Variants in GRIA4 observed in about 807,000 individuals in gnomAD.
GRIA4 encodes glutamate receptor 4.
In GRIA4, 34 loss-of-function variants were observed where a neutral mutation model predicts 104.0. That is an observed-to-expected ratio of 0.33 (90% CI 0.25 to 0.44). The LOEUF is 0.44. Ranked by LOEUF, GRIA4 falls within the 20% of genes least tolerant of loss-of-function variation. The pLI is 1.00. For synonymous variants in GRIA4, 386 were observed against 381.9 expected (o/e 1.01, Z -0.13); for missense variants, 750 against 1,096.5 (o/e 0.68, Z 4.46).
At chr11:105,936,757 A>C (rs949820285) in intron 14 of GRIA4, among the ~76,000 whole-genome samples, 2 of 152,198 alleles carry the variant, frequency 1.3e-5, no homozygotes, top group Non-Finnish European at 2.9e-5. Context: ...AAATGCAATA[A>C]GGATCATCTC....
chr11:105,933,693 G>A (rs745814974), intron 13 of GRIA4, 29 bp from the exon 14 acceptor site: 1 of 1,485,024 alleles, frequency 6.7e-7, no homozygotes, highest in Non-Finnish European at 9.1e-7. Flanking sequence ...CTTCTTTCCT[G>A]TATTTAATTT....
intron 14 of GRIA4, among the ~76,000 whole-genome samples, chr11:105,957,308 C>A (rs1332745680): frequency 6.6e-6 from 1 of 152,162 alleles, no homozygotes; most frequent in African/African-American, 2.4e-5. Context: ...GGAAGGGATC[C>A]AGTTTCAGCT....
chr11:105,904,769 T>G (rs1391740732), intron 8 of GRIA4, among the ~76,000 whole-genome samples: 1 of 152,146 alleles, frequency 6.6e-6, no homozygotes, highest in Non-Finnish European at 1.5e-5. Flanking sequence ...TCCTTATACT[T>G]TTTGCTTCTT....
chr11:105,688,275 G>A (rs1026282976), intron 3 of GRIA4, among the ~76,000 whole-genome samples: 4 of 151,934 alleles, frequency 2.6e-5, no homozygotes, highest in Admixed American at 1.3e-4. Context: ...AAATAAAGTG[G>A]TGGCTGGGCA....
At chr11:105,886,216 C>T (rs1047431756) in intron 5 of GRIA4, among the ~76,000 whole-genome samples, 1 of 151,806 alleles carries the variant, frequency 6.6e-6, no homozygotes, top group Non-Finnish European at 1.5e-5. Flanking sequence ...GTTGTGGGTA[C>T]ATAGTAGTAT....
intron 10 of GRIA4, among the ~76,000 whole-genome samples, chr11:105,915,200 C>T (rs903704486): frequency 6.6e-6 from 1 of 152,170 alleles, no homozygotes; most frequent in Admixed American, 6.5e-5. Context: ...TCCCTGGGTG[C>T]GATCATGTCA....
intron 14 of GRIA4, among the ~76,000 whole-genome samples, chr11:105,935,765 G>A (rs1177350275): frequency 2.6e-5 from 4 of 152,068 alleles, no homozygotes; most frequent in Non-Finnish European, 4.4e-5. Flanking sequence ...CTTCAGTGAC[G>A]GGTTTGCCTG....
chr11:105,701,650 A>C (rs113586409), intron 3 of GRIA4, among the ~76,000 whole-genome samples: 5 of 152,170 alleles, frequency 3.3e-5, no homozygotes, highest in Admixed American at 1.3e-4. Context: ...TAACCTCCTT[A>C]AATGCAATTA....
At chr11:105,928,527 G>A (rs899889887) in intron 13 of GRIA4, among the ~76,000 whole-genome samples, 9 of 150,842 alleles carry the variant, frequency 6.0e-5, no homozygotes, top group Non-Finnish European at 1.0e-4. Flanking sequence ...CCGTGCTGCC[G>A]GTTTATAACT....
At chr11:105,901,676 G>T (rs548608647) in intron 7 of GRIA4, among the ~76,000 whole-genome samples, 1 of 152,226 alleles carries the variant, frequency 6.6e-6, no homozygotes, top group South Asian at 2.1e-4. Flanking sequence ...TTGCCACTCT[G>T]GCTGAATGTC....
intron 9 of GRIA4, among the ~76,000 whole-genome samples, chr11:105,907,820 G>A (rs150817725): frequency 3.3e-5 from 5 of 152,042 alleles, no homozygotes; most frequent in East Asian, 3.9e-4. Flanking sequence ...TCCTTTTATC[G>A]AAAAGTAAGG....
intron 3 of GRIA4, among the ~76,000 whole-genome samples, chr11:105,743,917 C>G (rs982467152): frequency 2.6e-5 from 4 of 152,130 alleles, no homozygotes; most frequent in South Asian, 2.1e-4. Flanking sequence ...CAAATCTGAC[C>G]TCTACATTGT....
At chr11:105,763,718 A>G (rs183235180) in intron 4 of GRIA4, among the ~76,000 whole-genome samples, 1 of 152,330 alleles carries the variant, frequency 6.6e-6, no homozygotes, top group East Asian at 1.9e-4. Context: ...TTAAACTCCT[A>G]TCTGTACAGC....
chr11:105,913,093 AATTG>A, intron 10 of GRIA4: 1 of 782,336 alleles, frequency 1.3e-6, no homozygotes, highest in Non-Finnish European at 1.6e-6. Flanking sequence ...TGCTAAATAA[AATTG>A]ATTGAGAAAT....
intron 4 of GRIA4, among the ~76,000 whole-genome samples, chr11:105,826,507 T>C (rs984739531): frequency 1.3e-5 from 2 of 152,054 alleles, no homozygotes; most frequent in Non-Finnish European, 2.9e-5. Flanking sequence ...AGATATTTTA[T>C]TGTCTTCTCT....
intron 14 of GRIA4, among the ~76,000 whole-genome samples, chr11:105,967,703 C>A (rs199761830): frequency 4.0e-4 from 59 of 146,150 alleles, no homozygotes; most frequent in East Asian, 4.0e-4. Context: ...GTTTGTATAC[C>A]AAAAAAAAAA....
chr11:105,860,752 A>G (rs544182725), intron 4 of GRIA4, among the ~76,000 whole-genome samples: 1 of 152,136 alleles, frequency 6.6e-6, no homozygotes, highest in South Asian at 2.1e-4. Flanking sequence ...CAAGGTCAGG[A>G]GTTCAAGACC....
chr11:105,691,133 T>C (rs530440953), intron 3 of GRIA4, among the ~76,000 whole-genome samples: 2 of 152,196 alleles, frequency 1.3e-5, no homozygotes, highest in South Asian at 2.1e-4. Context: ...TTCCCTAATA[T>C]AAAAATAGCT....
At chr11:105,628,602 T>A (rs1454045294) in intron 3 of GRIA4, among the ~76,000 whole-genome samples, 2 of 152,200 alleles carry the variant, frequency 1.3e-5, no homozygotes, top group Non-Finnish European at 2.9e-5. Context: ...CCACCATGAT[T>A]GTAAGTTTCC....
Sources: allele counts gnomAD v4.1 joint callset (sites outside exome capture counted in the v4.1 genomes callset), GRCh38; gene constraint gnomAD v4.1.1; transcripts MANE v1.5; gene names NCBI Gene and HGNC (gene_info 2026-07-23, HGNC 2026-07-21).